ULK4: variants seen among roughly 807,000 people sequenced by gnomAD.
The protein encoded by ULK4 is inactive serine/threonine-protein kinase ULK4.
A neutral mutation model predicts 160.6 loss-of-function variants in ULK4; 133 were observed. The observed-to-expected ratio is 0.83, with a 90% CI of 0.72 to 0.96. The LOEUF (loss-of-function observed/expected upper bound fraction) is 0.96. ULK4 is among the 40% of genes least tolerant of loss of function. ULK4 has a pLI of 0.00. For synonymous variants in ULK4, 534 were observed against 539.8 expected (o/e 0.99, Z 0.15); for missense variants, 1,580 against 1,499.5 (o/e 1.05, Z -0.89).
intron 32 of ULK4, among the ~76,000 whole-genome samples, chr3:41,465,846 A>G (rs529548413): frequency 5.9e-5 from 9 of 152,278 alleles, no homozygotes; most frequent in Middle Eastern, 3.4e-3. Context: ...TTATTTTGAA[A>G]AGGAAAAGCA....
At chr3:41,845,015 G>C (rs1445976818) in intron 17 of ULK4, among the ~76,000 whole-genome samples, 1 of 151,338 alleles carries the variant, frequency 6.6e-6, no homozygotes, top group Non-Finnish European at 1.5e-5. Context: ...GCCCAGGCTG[G>C]AGTGCAGTGG....
chr3:41,501,652 T>C (rs1044528188), intron 32 of ULK4, among the ~76,000 whole-genome samples: 9 of 152,186 alleles, frequency 5.9e-5, no homozygotes, highest in African/African-American at 2.2e-4. Flanking sequence ...TCACATACAT[T>C]TTTGTAGCCA....
chr3:41,455,617 T>C (rs374785444), intron 33 of ULK4, 22 bp from the exon 34 acceptor site: 139 of 1,611,518 alleles, frequency 8.6e-5, no homozygotes, highest in Non-Finnish European at 1.1e-4. Context: ...AGAAGAGAAA[T>C]GAAAGACGGT....
At chr3:41,961,136 C>A (rs946259167) in intron 1 of ULK4, among the ~76,000 whole-genome samples, 1 of 152,118 alleles carries the variant, frequency 6.6e-6, no homozygotes, top group Non-Finnish European at 1.5e-5. Flanking sequence ...AGCCAGAAGG[C>A]AGAGCAAATC....
chr3:41,281,305 G>A (rs1254234533), intron 35 of ULK4, among the ~76,000 whole-genome samples: 1 of 152,134 alleles, frequency 6.6e-6, no homozygotes, highest in East Asian at 1.9e-4. Context: ...CATTTTATGA[G>A]GCCAGCATCA....
intron 35 of ULK4, among the ~76,000 whole-genome samples, chr3:41,373,762 C>T (rs539185287): frequency 2.8e-4 from 43 of 152,118 alleles, no homozygotes; most frequent in Admixed American, 9.2e-4. Context: ...CAAAAGCTAG[C>T]AGAAGGCAAG....
rs1448601406 is a variant in ULK4 at position 41,806,127 on chromosome 3, G to A, written c.1849-5834C>T. 1.6e-3 allele frequency among the ~76,000 whole-genome samples: 241 copies of A among 146,530 alleles called. 4 individuals are homozygous for A. Among genetic ancestry groups the A allele is most frequent in the African/African-American group, 5.8e-3 (223 of 38,640 alleles). ...TCCATCTGGTCCTGGACTCTTTTTCGTTGGTAAGCTATTGATTATTGCCAC... is the reference window on the plus strand; with the variant it reads ...TCCATCTGGTCCTGGACTCTTTTTCATTGGTAAGCTATTGATTATTGCCAC... On this transcript the variant is annotated intron_variant, in intron 19 of 36. Coordinates refer to ENST00000301831, the MANE Select transcript of ULK4 (RefSeq NM_017886.4).
intron 34 of ULK4, among the ~76,000 whole-genome samples, chr3:41,417,163 T>C (rs543988211): frequency 9.2e-5 from 14 of 152,288 alleles, no homozygotes; most frequent in African/African-American, 3.1e-4. Context: ...CAGTGAAGCA[T>C]TCTGTTCTGC....
chr3:41,504,173 A>G (rs752307281), intron 32 of ULK4, among the ~76,000 whole-genome samples: 20 of 152,118 alleles, frequency 1.3e-4, no homozygotes, highest in Non-Finnish European at 2.8e-4. Context: ...CTCAAATATC[A>G]ACATAAAAAG....
At chr3:41,923,996 C>G (rs1466386095) in intron 5 of ULK4, among the ~76,000 whole-genome samples, 1 of 152,158 alleles carries the variant, frequency 6.6e-6, no homozygotes, top group African/African-American at 2.4e-5. Context: ...ATTAAAACTC[C>G]TAGCAGCTAT....
chr3:41,398,244 C>T lies in ULK4; in HGVS notation c.3513G>A (p.Glu1171=), dbSNP rs1682179216. The change falls in exon 35 of 37, where the codon GAG becomes GAA. Residue 1171 remains glutamate, a synonymous_variant. Coordinates refer to ENST00000301831, the MANE Select transcript of ULK4 (RefSeq NM_017886.4). ...GGCACTTGGATGAAACATCAAAAAT[C>T]TCAGGATCTTCATTAGGAAGCTGAA... ...LIPLLPNEDP[E]IFDVSSKCLS... 1 of 1,612,492 alleles carries T rather than the reference C, an allele frequency of 6.2e-7. No individual in the cohort carries two copies. Among genetic ancestry groups the T allele is most frequent in the African/African-American group, 1.3e-5 (1 of 74,740 alleles).
chr3:41,368,069 AT>A (rs1045400735), intron 35 of ULK4, among the ~76,000 whole-genome samples: 1 of 149,390 alleles, frequency 6.7e-6, no homozygotes, highest in African/African-American at 2.5e-5. Flanking sequence ...TTTTTTCGAG[AT>A]GGAGTCTCAC....
intron 18 of ULK4, among the ~76,000 whole-genome samples, chr3:41,831,531 A>ATATATATATATATATTTT: frequency 7.2e-6 from 1 of 138,124 alleles, no homozygotes; most frequent in East Asian, 2.1e-4. Flanking sequence ...ATATATATAT[A>ATATATATATATATATTTT]TTTTTTTTTC....
At chr3:41,490,810 G>C (rs760033522) in intron 32 of ULK4, among the ~76,000 whole-genome samples, 8 of 152,116 alleles carry the variant, frequency 5.3e-5, no homozygotes, top group South Asian at 4.1e-4. Context: ...TGGGATAAGA[G>C]AGACTATAAG....
intron 31 of ULK4, among the ~76,000 whole-genome samples, chr3:41,614,938 A>C (rs1559433800): frequency 6.6e-6 from 1 of 152,146 alleles, no homozygotes; most frequent in African/African-American, 2.4e-5. Flanking sequence ...TTACTGAGCT[A>C]GGGAGGTAAA....
intron 22 of ULK4, among the ~76,000 whole-genome samples, chr3:41,723,223 G>A (rs751044153): frequency 1.5e-4 from 23 of 151,972 alleles, no homozygotes; most frequent in Non-Finnish European, 2.9e-4. Flanking sequence ...GGGAAAAGAG[G>A]AATTATGAAC....
chr3:41,323,439 C>CACACACAA (rs1575432269), intron 35 of ULK4, among the ~76,000 whole-genome samples: 1 of 140,270 alleles, frequency 7.1e-6, no homozygotes, highest in Non-Finnish European at 1.6e-5. Flanking sequence ...CACACACACA[C>CACACACAA]CAAAAACCAA....
intron 18 of ULK4, among the ~76,000 whole-genome samples, chr3:41,826,110 G>T (rs1038957607): frequency 2.6e-5 from 4 of 152,098 alleles, no homozygotes; most frequent in African/African-American, 7.2e-5. Flanking sequence ...AACAAATTTT[G>T]ACAGATTTTG....
intron 2 of ULK4, among the ~76,000 whole-genome samples, chr3:41,948,722 T>TAAA (rs11414127): frequency 3.7e-5 from 5 of 134,510 alleles, no homozygotes; most frequent in Non-Finnish European, 6.2e-5. Context: ...CAACAACCTT[T>TAAA]AAAAAAAAAA....
Sources: gnomAD v4.1 joint callset for allele counts (sites outside exome capture counted in the v4.1 genomes callset) on GRCh38, gnomAD v4.1.1 for gene constraint, MANE v1.5 for transcripts, NCBI Gene and HGNC (gene_info 2026-07-23, HGNC 2026-07-21) for gene names.